ARAP1: variants seen among roughly 807,000 people sequenced by gnomAD.
ARAP1 encodes the protein arf-GAP with Rho-GAP domain, ANK repeat and PH domain-containing protein 1.
A neutral mutation model predicts 172.2 loss-of-function variants in ARAP1; 76 were observed. The ratio of observed to expected loss-of-function variants is 0.44; its 90% confidence interval spans 0.37 to 0.53. The LOEUF is 0.53. ARAP1 is among the 20% of genes least tolerant of loss of function. The pLI is 0.00. For missense variants in ARAP1, 1,686 were observed against 1,977.5 expected, an observed-to-expected ratio of 0.85 and a Z score of 2.80; for synonymous variants, 804 against 803.3, an observed-to-expected ratio of 1.00 and a Z score of -0.01.
rs369611323 is a variant in ARAP1 at position 72,693,660 on chromosome 11, C to T, written c.3808+32G>A. On this transcript the variant is annotated intron_variant, in intron 28 of 34. Transcript: ENST00000393609. This position sits in a 1 kb window ranked among gnomAD's most constrained non-coding sequence, Gnocchi z 4.6. ...CCTGGCTCTGGAAGAGAGGACCACC[C>T]GGAGCCTGGCCACCCTGCAGGCACC... is the stretch of plus-strand genomic sequence containing the variant. 45 of 1,569,294 alleles carry T rather than the reference C, an allele frequency of 2.9e-5. No individual in the cohort carries two copies. Among genetic ancestry groups the T allele is most frequent in the Middle Eastern group, 1.7e-4 (1 of 5,932 alleles).
In ARAP1 at chr11:72,710,206, C is replaced by G. The variant is rs1417347560; in HGVS notation, c.1416+179G>C. ...AAGGGCCAGGGCAGGGACTGGAGGG[C>G]AGTGCTCAGAGCCTGGGGGAAGTGG... On this transcript the variant is annotated intron_variant, in intron 10 of 34. Coordinates refer to ENST00000393609, the MANE Select transcript of ARAP1 (RefSeq NM_001040118.3). This position sits in a 1 kb window ranked among gnomAD's most constrained non-coding sequence, Gnocchi z 4.3. 6.6e-6 allele frequency among the ~76,000 whole-genome samples: 1 copy of G among 151,514 alleles called. No homozygotes were observed. Among genetic ancestry groups the G allele is most frequent in the Non-Finnish European group, 1.5e-5 (1 of 67,872 alleles).
At chr11:72,745,452 C>T (rs186443374) in intron 1 of ARAP1, among the ~76,000 whole-genome samples, 2,434 of 150,870 alleles carry the variant, frequency 0.016, 82 homozygotes, top group African/African-American at 0.056. Context: ...GATCCGCCCG[C>T]GTCGGCCTCC....
At chr11:72,748,092 T>C (rs2135597130) in intron 1 of ARAP1, among the ~76,000 whole-genome samples, 1 of 152,326 alleles carries the variant, frequency 6.6e-6, no homozygotes, top group East Asian at 1.9e-4. Flanking sequence ...ATGTGGAAAA[T>C]GGGAATGGTG....
At chr11:72,705,931 C>CCTTCA in intron 12 of ARAP1, 41 bp from the exon 13 acceptor site, 1 of 1,605,478 alleles carries the variant, frequency 6.2e-7, no homozygotes, top group Non-Finnish European at 8.5e-7. Flanking sequence ...CTGGGCCCCC[C>CCTTCA]CTTCACGGGA....
chr11:72,713,080 C>A, intron 5 of ARAP1, 96 bp downstream of exon 5: 1 of 1,309,208 alleles, frequency 7.6e-7, no homozygotes, highest in South Asian at 1.3e-5. Context: ...CGGGAAATGG[C>A]TGCCCACTCT....
At chr11:72,740,014 G>A (rs1399747912) in intron 1 of ARAP1, among the ~76,000 whole-genome samples, 1 of 152,228 alleles carries the variant, frequency 6.6e-6, no homozygotes, top group East Asian at 1.9e-4. Flanking sequence ...ACTGTGGGGA[G>A]CAGGGGGAGA....
rs1397448589 is a variant in ARAP1, at chr11:72,712,227, C to G, written c.991G>C (p.Ala331Pro). The G allele has an allele frequency of 6.2e-7, 1 of 1,608,062 alleles. No homozygotes were observed. The highest frequency in any genetic ancestry group is 8.5e-7 in the Non-Finnish European group (1 of 1,177,890). The stretch of plus-strand genomic sequence containing the variant: ...GGTGGGTTCTTGTCCAGCCAGCCAG[C>G]CTTGATGACTGGTGTGACGGGGGTG... ...GSTPVTPVIK[A>P]GWLDKNPPQG... Residue 331 changes from alanine to proline, a missense_variant, in exon 7 of 35, where the codon GCT becomes CCT. Physicochemically the swap from Ala to Pro is conservative, Grantham distance 27 (BLOSUM62 -1). This residue lies in a region of ARAP1 where 688 missense variants were observed against 856.9 expected (regional missense o/e 0.80). Transcript: ENST00000393609.
chr11:72,697,557 C>T, intron 20 of ARAP1, 41 bp downstream of exon 20: 2 of 1,613,530 alleles, frequency 1.2e-6, no homozygotes, highest in African/African-American at 1.3e-5. Context: ...CATCAGACTG[C>T]TCCAGCCTTC....
rs773002783 is a variant in ARAP1, at chr11:72,727,026, C to T, written c.103G>A (p.Ala35Thr). 1.9e-6 allele frequency: 3 copies of T among 1,609,568 alleles called. No homozygotes were observed. Among genetic ancestry groups the T allele is most frequent in the African/African-American group, 2.7e-5 (2 of 74,802 alleles). Residue 35 changes from alanine (A) to threonine (T), a missense_variant, in exon 3 of 35, where the codon GCC (alanine) becomes ACC (threonine). Physicochemically the swap from Ala to Thr is moderately conservative, Grantham distance 58. This residue lies in a region of ARAP1 where 190 missense variants were observed against 228.6 expected (regional missense o/e 0.83). Coordinates refer to ENST00000393609, the MANE Select transcript of ARAP1 (RefSeq NM_001040118.3). ...GLFEQHGLVW[A>T]TECQGLSDTR... ...TCGCTGAGGCCTTGGCACTCAGTGG[C>T]CCACACCAGGCCATGCTGCTCAAAG...
Position 72,685,590 on chromosome 11 carries a change from C to T in ARAP1, c.*74G>A, listed in dbSNP as rs1190728901. 1.2e-6 allele frequency: 2 copies of T among 1,603,410 alleles called. No individual in the cohort carries two copies. Among genetic ancestry groups the T allele is most frequent in the Non-Finnish European group, 1.7e-6 (2 of 1,170,352 alleles). ...CACCCCCCGCTGGCTCACATCAGGC[C>T]TTGGAGCATAAGGGGTGTCTGAACA... is the stretch of plus-strand genomic sequence containing the variant. On this transcript the variant is annotated 3_prime_UTR_variant, in exon 35 of 35. Coordinates refer to ENST00000393609, the MANE Select transcript of ARAP1 (RefSeq NM_001040118.3).
Position 72,686,034 on chromosome 11 carries a change from C to T in ARAP1, c.4335+8G>A. On this transcript the variant is annotated splice_region_variant and intron_variant, in intron 34 of 34. Transcript: ENST00000393609. ...GCCCCCTGCCCAAAGGCATGGAGAG[C>T]CACTCACAGACAGAGGGTCCGCGGT... 1 of 1,614,008 alleles carries T rather than the reference C, an allele frequency of 6.2e-7. No homozygotes were observed. The highest frequency in any genetic ancestry group is 8.5e-7 in the Non-Finnish European group (1 of 1,180,000).
chr11:72,708,374 C>T (rs555909297), intron 11 of ARAP1: 3 of 152,388 alleles, frequency 2.0e-5, no homozygotes, highest in East Asian at 3.9e-4. Flanking sequence ...GGGGGAGGCC[C>T]TTTGTGTAGA....
In ARAP1 at chr11:72,693,473, G is replaced by A. The variant is rs368749739; in HGVS notation, c.3809-3C>T. 2 of 1,611,422 alleles carry A rather than the reference G, an allele frequency of 1.2e-6. No individual in the cohort carries two copies. Among genetic ancestry groups the A allele is most frequent in the African/African-American group, 1.3e-5 (1 of 74,980 alleles). On this transcript the variant is annotated splice_region_variant and splice_polypyrimidine_tract_variant and intron_variant, in intron 28 of 34. Transcript: ENST00000393609. The surrounding 1 kb of genome is among the most constrained non-coding windows in gnomAD (Gnocchi z 4.6). ...CTTGGTGTCACCGACACGGCTGGCT[G>A]GGGGGTGGGACTGGAGTGGGCACAG...
intron 31 of ARAP1, 124 bp from the exon 32 acceptor site, chr11:72,687,862 A>T (rs1855757201): frequency 6.9e-6 from 8 of 1,158,944 alleles, no homozygotes; most frequent in Admixed American, 1.7e-5. Flanking sequence ...GCCTTCTCAC[A>T]AGAGTGGCAC....
intron 1 of ARAP1, among the ~76,000 whole-genome samples, chr11:72,749,882 A>C (rs1360692836): frequency 6.7e-6 from 1 of 149,602 alleles, no homozygotes; most frequent in Admixed American, 6.6e-5. Context: ...AAAAAAAAAA[A>C]AAAGTTCCCT....
In ARAP1 at chr11:72,741,180, C is replaced by T. The variant is rs1184585812; in HGVS notation, c.-127-8583G>A. The stretch of plus-strand genomic sequence containing the variant: ...ACACCCCTGCCCTGCATCCACACTG[C>T]CCCCATTCAACCCAGGCCCCTCAGC... On this transcript the variant is annotated intron_variant, in intron 1 of 34. Transcript: ENST00000393609. This position sits in a 1 kb window ranked among gnomAD's most constrained non-coding sequence, Gnocchi z 4.5. Among the ~76,000 whole-genome samples, 1 of 152,090 alleles carries T rather than the reference C, an allele frequency of 6.6e-6. No homozygotes were observed. The highest frequency in any genetic ancestry group is 1.5e-5 in the Non-Finnish European group (1 of 68,002).
At chr11:72,696,740 G>T (rs1271243943) in intron 22 of ARAP1, 86 bp from the exon 23 acceptor site, 4 of 1,145,306 alleles carry the variant, frequency 3.5e-6, no homozygotes, top group Admixed American at 2.5e-5. Flanking sequence ...TCTCATGGTG[G>T]GTGACAGCAG....
chr11:72,735,990 C>T (rs1858011493), intron 1 of ARAP1, among the ~76,000 whole-genome samples: 1 of 152,202 alleles, frequency 6.6e-6, no homozygotes, highest in South Asian at 2.1e-4. Context: ...TAAGGGAAGG[C>T]TTCCCGGAGA....
chr11:72,699,073 C>T lies in ARAP1; in HGVS notation c.2473G>A (p.Glu825Lys). The T allele has an allele frequency of 6.2e-7, 1 of 1,614,204 alleles. No individual in the cohort carries two copies. The highest frequency in any genetic ancestry group is 1.7e-5 in the Admixed American group (1 of 60,026). Residue 825 changes from glutamate to lysine, a missense_variant, in exon 18 of 35, where the codon GAA (glutamate) becomes AAA (lysine). Around this residue, in one of 5 missense-constraint regions of ARAP1, gnomAD observed 688 missense variants for 856.9 expected, o/e 0.80. Coordinates refer to ENST00000393609, the MANE Select transcript of ARAP1 (RefSeq NM_001040118.3). This position sits in a 1 kb window ranked among gnomAD's most constrained non-coding sequence, Gnocchi z 4.2. ...EHTFEVYTEG[E>K]RLYLFGLESA... ...TCCAGCCCAAACAGGTACAGCCGTT[C>T]TCCCTCCGTGTACACCTCAAAGGTG...
Sources: gnomAD v4.1 joint callset for allele counts (sites outside exome capture counted in the v4.1 genomes callset) on GRCh38, gnomAD v4.1.1 for gene constraint, gnomAD v4.1.1 regional missense constraint, Gnocchi (gnomAD v3.1) non-coding constraint, MANE v1.5 for transcripts, NCBI Gene and HGNC (gene_info 2026-07-23, HGNC 2026-07-21) for gene names.